The following UBAP2 variants were observed in gnomAD, a reference collection of about 807,000 sequenced individuals.
The protein encoded by UBAP2 is ubiquitin associated protein 2.
Under a neutral mutation model 139.6 loss-of-function variants are expected in UBAP2, and 75 were observed. That is an observed-to-expected ratio of 0.54 (90% CI 0.45 to 0.65). UBAP2 has a LOEUF of 0.65. Ranked by LOEUF, UBAP2 falls within the 30% of genes least tolerant of loss-of-function variation. The pLI is 0.00. For synonymous variants in UBAP2, 526 were observed against 526.2 expected, an observed-to-expected ratio of 1.00 and a Z score of 0.01; for missense variants, 1,368 against 1,369.6, an observed-to-expected ratio of 1.00 and a Z score of 0.02.
intron 2 of UBAP2, among the ~76,000 whole-genome samples, chr9:34,000,225 C>A (rs776798030): frequency 2.0e-5 from 3 of 152,170 alleles, no homozygotes; most frequent in Non-Finnish European, 4.4e-5. Context: ...AGAGATCCTG[C>A]CGCCTCAGCC....
intron 8 of UBAP2, among the ~76,000 whole-genome samples, chr9:33,964,947 T>G (rs1357220236): frequency 6.6e-6 from 1 of 152,198 alleles, no homozygotes; most frequent in African/African-American, 2.4e-5. Context: ...TAAAGCCATT[T>G]TAATAGGTGA....
chr9:34,035,876 G>T (rs1826318853), intron 1 of UBAP2, among the ~76,000 whole-genome samples: 1 of 143,986 alleles, frequency 6.9e-6, no homozygotes, highest in Non-Finnish European at 1.5e-5. Flanking sequence ...GTTTACTCAA[G>T]GACATACTGC....
chr9:34,001,742 A>G (rs1037971036), intron 2 of UBAP2, among the ~76,000 whole-genome samples: 15 of 152,068 alleles, frequency 9.9e-5, no homozygotes, highest in African/African-American at 3.1e-4. Flanking sequence ...CCCTAACACT[A>G]TTATTTTCTG....
At chr9:33,950,781 A>ATT (rs1826030537) in intron 12 of UBAP2, among the ~76,000 whole-genome samples, 1 of 152,254 alleles carries the variant, frequency 6.6e-6, no homozygotes, top group African/African-American at 2.4e-5. Context: ...CAACACAGCG[A>ATT]AATCACTGAA....
intron 4 of UBAP2, among the ~76,000 whole-genome samples, chr9:33,993,291 T>C (rs1211488972): frequency 6.6e-6 from 1 of 152,208 alleles, no homozygotes; most frequent in Non-Finnish European, 1.5e-5. Flanking sequence ...AACATCACAG[T>C]GTTTATATTC....
At chr9:34,040,655 C>G (rs1826990304) in intron 1 of UBAP2, among the ~76,000 whole-genome samples, 1 of 152,128 alleles carries the variant, frequency 6.6e-6, no homozygotes, top group Admixed American at 6.6e-5. Flanking sequence ...AAAGATATAT[C>G]TAGAACATCC....
At chr9:34,031,231 C>A (rs972452761) in intron 1 of UBAP2, among the ~76,000 whole-genome samples, 2 of 150,632 alleles carry the variant, frequency 1.3e-5, no homozygotes, top group Non-Finnish European at 2.9e-5. Flanking sequence ...GAGTTGAGAT[C>A]GCACTACTGC....
At chr9:33,949,981 GA>G (rs1367869916) in intron 12 of UBAP2, among the ~76,000 whole-genome samples, 1 of 152,176 alleles carries the variant, frequency 6.6e-6, no homozygotes, top group Non-Finnish European at 1.5e-5. Context: ...CCTATGACTA[GA>G]AAAGACAATG....
At chr9:34,004,578 C>G (rs960428256) in intron 2 of UBAP2, among the ~76,000 whole-genome samples, 2 of 150,296 alleles carry the variant, frequency 1.3e-5, no homozygotes, top group Non-Finnish European at 3.0e-5. Context: ...GTCAGGAGAT[C>G]GAGACCATCC....
intron 5 of UBAP2, among the ~76,000 whole-genome samples, chr9:33,987,712 G>C (rs1485071792): frequency 6.6e-6 from 1 of 152,100 alleles, no homozygotes; most frequent in Non-Finnish European, 1.5e-5. Context: ...CTTCTTTGTG[G>C]ACTTGCTGTG....
intron 6 of UBAP2, among the ~76,000 whole-genome samples, chr9:33,986,521 T>G (rs1821230459): frequency 6.6e-6 from 1 of 152,160 alleles, no homozygotes. Context: ...GGTTAGAGCT[T>G]TAAGTTTTAA....
chr9:33,924,363 G>T, intron 22 of UBAP2, 79 bp from the exon 23 acceptor site: 1 of 1,380,690 alleles, frequency 7.2e-7, no homozygotes, highest in Non-Finnish European at 1.0e-6. Flanking sequence ...CATGGAAGTG[G>T]TGACGCCACA....
intron 1 of UBAP2, among the ~76,000 whole-genome samples, chr9:34,039,256 C>G (rs1826806992): frequency 6.7e-6 from 1 of 148,322 alleles, no homozygotes; most frequent in Non-Finnish European, 1.5e-5. Context: ...GCCTGGCCGC[C>G]GCCCCGTCCG....
At chr9:33,947,451 C>T (rs933879259) in intron 13 of UBAP2, among the ~76,000 whole-genome samples, 35 of 152,034 alleles carry the variant, frequency 2.3e-4, no homozygotes, top group African/African-American at 8.2e-4. Context: ...ATACAAACCA[C>T]GGAATGTAAA....
rs1564032675 is a variant in UBAP2, at chr9:33,962,676, A to AATTAAT, written c.745+1049_745+1050insATTAAT. ...AATAAATAAATAAATAAATAAATAA[A>AATTAAT]TAAATAATTAAAAAATAGGGCCTGG... is the stretch of plus-strand genomic sequence containing the variant. On this transcript the variant is annotated intron_variant, in intron 9 of 28. Transcript: ENST00000379238. 3.2e-3 allele frequency among the ~76,000 whole-genome samples: 346 copies of AATTAAT among 106,704 alleles called. 2 individuals are homozygous for AATTAAT. Among genetic ancestry groups the AATTAAT allele is most frequent in the African/African-American group, 0.011 (321 of 30,556 alleles). The allele number at this position is 106,704 out of a possible 152,430, so 70.0% of individuals were successfully genotyped here.
intron 7 of UBAP2, 79 bp downstream of exon 7, chr9:33,973,104 G>A: frequency 8.1e-7 from 1 of 1,227,396 alleles, no homozygotes; most frequent in Non-Finnish European, 1.2e-6. Flanking sequence ...GACTAAATTA[G>A]ATGTAGGGTA....
intron 1 of UBAP2, among the ~76,000 whole-genome samples, chr9:34,017,396 C>T (rs555130948): frequency 6.6e-6 from 1 of 152,234 alleles, no homozygotes; most frequent in South Asian, 2.1e-4. Flanking sequence ...ACGAGCTTAG[C>T]AATTCTAAAC....
chr9:33,979,079 T>C (rs935697948), intron 6 of UBAP2, among the ~76,000 whole-genome samples: 3 of 151,886 alleles, frequency 2.0e-5, no homozygotes, highest in African/African-American at 7.3e-5. Context: ...TACAATGCTT[T>C]TGAAAATTAG....
chr9:34,009,806 CTTTTTT>C (rs201452836), intron 2 of UBAP2, among the ~76,000 whole-genome samples: 3 of 129,812 alleles, frequency 2.3e-5, no homozygotes, highest in Admixed American at 1.6e-4. Flanking sequence ...CTTATATTTC[CTTTTTT>C]TTTTTTTTTT....
Sources: gnomAD v4.1 joint callset for allele counts (sites outside exome capture counted in the v4.1 genomes callset) on GRCh38, gnomAD v4.1.1 for gene constraint, MANE v1.5 for transcripts, NCBI Gene and HGNC (gene_info 2026-07-23, HGNC 2026-07-21) for gene names.